Variants in ZNF644 observed in about 807,000 individuals in gnomAD.
ZNF644 encodes zinc finger protein 644, also known as zinc finger motif enhancer binding protein 2.
Under a neutral mutation model 108.0 loss-of-function variants are expected in ZNF644, and 20 were observed. The ratio of observed to expected loss-of-function variants is 0.19; its 90% confidence interval spans 0.13 to 0.27. The LOEUF (loss-of-function observed/expected upper bound fraction) is 0.27. Ranked by LOEUF, ZNF644 falls within the 10% of genes least tolerant of loss-of-function variation. ZNF644 has a pLI of 1.00. For synonymous variants in ZNF644, 542 were observed against 539.1 expected, an observed-to-expected ratio of 1.01 and a Z score of -0.08; for missense variants, 1,338 against 1,548.9, an observed-to-expected ratio of 0.86 and a Z score of 2.29.
intron 1 of ZNF644, among the ~76,000 whole-genome samples, chr1:91,007,216 TCCCATTTTG>T (rs1659510916): frequency 7.3e-6 from 1 of 136,976 alleles, no homozygotes; most frequent in Non-Finnish European, 1.6e-5. Context: ...TTCCATTTTC[TCCCATTTTG>T]TTTTTTTTTT....
intron 2 of ZNF644, among the ~76,000 whole-genome samples, chr1:90,973,689 T>C (rs1463829521): frequency 1.3e-5 from 2 of 152,104 alleles, no homozygotes; most frequent in African/African-American, 4.8e-5. Context: ...GTAACCACGA[T>C]TTTTGTTTTT....
intron 2 of ZNF644, among the ~76,000 whole-genome samples, chr1:90,954,903 C>A (rs748183923): frequency 5.3e-5 from 8 of 152,172 alleles, no homozygotes; most frequent in Non-Finnish European, 1.2e-4. Flanking sequence ...ATAGCTAATC[C>A]TTTCCAGAAA....
chr1:90,947,746 C>T (rs1652673395), intron 2 of ZNF644, among the ~76,000 whole-genome samples: 1 of 152,068 alleles, frequency 6.6e-6, no homozygotes, highest in Admixed American at 6.6e-5. Flanking sequence ...TCCCAATAAA[C>T]CCATGATAAA....
intron 2 of ZNF644, among the ~76,000 whole-genome samples, chr1:90,948,290 T>C (rs1050672231): frequency 2.0e-5 from 3 of 152,208 alleles, no homozygotes; most frequent in South Asian, 2.1e-4. Context: ...CAAAGTGCTG[T>C]TGATGAAGCT....
At chr1:90,944,725 A>G (rs1028271567) in intron 2 of ZNF644, among the ~76,000 whole-genome samples, 1 of 152,148 alleles carries the variant, frequency 6.6e-6, no homozygotes, top group African/African-American at 2.4e-5. Context: ...TTTTATGTAC[A>G]TTATTAACTG....
At chr1:90,958,142 C>T (rs377231304) in intron 2 of ZNF644, among the ~76,000 whole-genome samples, 24 of 149,998 alleles carry the variant, frequency 1.6e-4, no homozygotes, top group African/African-American at 5.9e-4. Context: ...GTAGTGGGCA[C>T]CTGTAATCCC....
At chr1:91,016,507 T>C (rs971533797) in intron 1 of ZNF644, among the ~76,000 whole-genome samples, 1 of 152,236 alleles carries the variant, frequency 6.6e-6, no homozygotes, top group African/African-American at 2.4e-5. Context: ...TTAGTATTTG[T>C]GTATCTAAAC....
At chr1:90,988,849 G>A (rs1657366096) in intron 1 of ZNF644, among the ~76,000 whole-genome samples, 1 of 152,162 alleles carries the variant, frequency 6.6e-6, no homozygotes, top group Non-Finnish European at 1.5e-5. Flanking sequence ...AAAGAATGAA[G>A]TCGGACCCTT....
intron 4 of ZNF644, among the ~76,000 whole-genome samples, chr1:90,918,798 T>C (rs1649092437): frequency 1.3e-5 from 2 of 152,132 alleles, no homozygotes; most frequent in South Asian, 4.1e-4. Context: ...TTAATTTGTA[T>C]TGCATATACA....
intron 2 of ZNF644, among the ~76,000 whole-genome samples, chr1:90,965,879 A>G (rs750411401): frequency 7.9e-5 from 12 of 152,026 alleles, no homozygotes; most frequent in Non-Finnish European, 1.8e-4. Context: ...CCTCCCAAGT[A>G]TCTGGGATTA....
intron 2 of ZNF644, among the ~76,000 whole-genome samples, chr1:90,942,097 T>A (rs1263939380): frequency 6.6e-6 from 1 of 152,160 alleles, no homozygotes; most frequent in Non-Finnish European, 1.5e-5. Flanking sequence ...AAGGTTTATG[T>A]CAAACTTTCA....
At chr1:90,926,818 T>C (rs1650089865) in intron 4 of ZNF644, among the ~76,000 whole-genome samples, 1 of 152,132 alleles carries the variant, frequency 6.6e-6, no homozygotes, top group East Asian at 1.9e-4. Flanking sequence ...ACTCTTAAAA[T>C]GATCTACCCT....
At chr1:91,017,884 C>T (rs1660569635) in intron 1 of ZNF644, among the ~76,000 whole-genome samples, 1 of 152,142 alleles carries the variant, frequency 6.6e-6, no homozygotes. Context: ...ATCACTTGAA[C>T]CTGAGAGGCA....
In ZNF644 at chr1:90,933,568, G is replaced by C. The variant is rs565445200; in HGVS notation, c.3688+3917C>G. Reference sequence around the variant, plus strand: ...AATCCCAGCTACTCGGGAGGCTGAGGCAGGGGAATTGCTTGAACCAGGGAG... The same window carrying C: ...AATCCCAGCTACTCGGGAGGCTGAGCCAGGGGAATTGCTTGAACCAGGGAG... On this transcript the variant is annotated intron_variant, in intron 4 of 5. Coordinates refer to ENST00000337393, the MANE Select transcript of ZNF644 (RefSeq NM_201269.3). Among the ~76,000 whole-genome samples the C allele has an allele frequency of 3.3e-5, 5 of 152,266 alleles. No homozygotes were observed. The East Asian group carries it at 9.7e-4, about 29-fold the overall frequency.
Position 90,916,745 on chromosome 1 carries a change from G to T in ZNF644, c.*53C>A. 6.3e-7 allele frequency: 1 copy of T among 1,591,010 alleles called. No individual in the cohort carries two copies. Among genetic ancestry groups the T allele is most frequent in the Non-Finnish European group, 8.6e-7 (1 of 1,161,350 alleles). On this transcript the variant is annotated 3_prime_UTR_variant, in exon 6 of 6. Coordinates refer to ENST00000337393, the MANE Select transcript of ZNF644 (RefSeq NM_201269.3). The stretch of plus-strand genomic sequence containing the variant: ...TAATTTAATGTGGCTTAAAAAAAAA[G>T]AATTTCAAATTTACATCCAATTCAA...
intron 2 of ZNF644, among the ~76,000 whole-genome samples, chr1:90,949,589 C>T (rs1487322760): frequency 1.3e-5 from 2 of 150,626 alleles, no homozygotes; most frequent in East Asian, 1.9e-4. Context: ...AAACTCAGAT[C>T]AAAAGAAATA....
Position 90,916,735 on chromosome 1 carries a change from T to TA in ZNF644, c.*62dup, listed in dbSNP as rs201325160. ...TATAAACAGATAATTTAATGTGGCT[T>TA]AAAAAAAAAGAATTTCAAATTTACA... On this transcript the variant is annotated 3_prime_UTR_variant, in exon 6 of 6. Coordinates refer to ENST00000337393, the MANE Select transcript of ZNF644 (RefSeq NM_201269.3). The TA allele has an allele frequency of 4.3e-4, 673 of 1,550,958 alleles. 2 individuals carry two copies. The highest frequency in any genetic ancestry group is 2.9e-3 in the South Asian group (253 of 88,628).
At position 90,940,707 on chromosome 1, in the gene ZNF644, C is replaced by T. The variant is rs1570386013; in HGVS notation, c.647G>A (p.Gly216Asp). 1.2e-5 allele frequency: 19 copies of T among 1,613,936 alleles called. No homozygotes were observed. Among genetic ancestry groups the T allele is most frequent in the African/African-American group, 8.0e-5 (6 of 74,916 alleles). The change falls in exon 3 of 6, where the codon GGC becomes GAC. Residue 216 changes from glycine to aspartate, a missense_variant. Gly to Asp is a moderately conservative substitution (Grantham distance 94). Around this residue, in one of 6 missense-constraint regions of ZNF644, gnomAD observed 464 missense variants for 457.9 expected, o/e 1.01. Transcript: ENST00000337393. The stretch of plus-strand genomic sequence containing the variant: ...CACCTCTACTTGATTTATTAAAGTG[C>T]CATCTGACTTTATATTACTCCCTAC... ...NSVGSNIKSD[G>D]TLINQVEVGE...
chr1:90,928,300 G>A (rs79654295), intron 4 of ZNF644, among the ~76,000 whole-genome samples: 4,594 of 143,470 alleles, frequency 0.032, 242 homozygotes, highest in African/African-American at 0.11. Flanking sequence ...TTACAGGCGC[G>A]CACCACCACA....
Sources: allele counts gnomAD v4.1 joint callset (sites outside exome capture counted in the v4.1 genomes callset), GRCh38; gene constraint gnomAD v4.1.1; regional missense constraint gnomAD v4.1.1; transcripts MANE v1.5; gene names NCBI Gene and HGNC (gene_info 2026-07-23, HGNC 2026-07-21).